Variants in FGF2 observed in about 807,000 individuals in gnomAD.
The protein encoded by FGF2 is basic fibroblast growth factor bFGF.
A neutral mutation model predicts 15.9 loss-of-function variants in FGF2; 13 were observed. That is an observed-to-expected ratio of 0.82 (90% CI 0.53 to 1.30). FGF2 has a LOEUF of 1.30. Among genes scored for constraint, FGF2 ranks in the 50% most tolerant of loss-of-function variants. The pLI, the probability that FGF2 is intolerant of heterozygous loss-of-function variation, is 0.00. For synonymous variants in FGF2, 90 were observed against 78.4 expected (o/e 1.15, Z -0.78); for missense variants, 163 against 196.9 (o/e 0.83, Z 1.03).
chr4:122,891,360 G>A (rs1727183365), intron 2 of FGF2, among the ~76,000 whole-genome samples: 1 of 151,638 alleles, frequency 6.6e-6, no homozygotes, highest in Admixed American at 6.6e-5. Context: ...CTTAAATAAT[G>A]TGGTAGCTAT....
chr4:122,857,505 T>C (rs1472745241), intron 1 of FGF2, among the ~76,000 whole-genome samples: 3 of 152,228 alleles, frequency 2.0e-5, no homozygotes, highest in African/African-American at 7.2e-5. Context: ...ATGGTGTCAC[T>C]ATAGAAATAA....
chr4:122,867,417 T>C (rs1252154282), intron 1 of FGF2, among the ~76,000 whole-genome samples: 1 of 152,224 alleles, frequency 6.6e-6, no homozygotes, highest in Non-Finnish European at 1.5e-5. Context: ...ATTTCTCAGA[T>C]GGAGTTAATT....
intron 1 of FGF2, among the ~76,000 whole-genome samples, chr4:122,872,549 G>C (rs936257951): frequency 6.6e-6 from 1 of 151,900 alleles, no homozygotes; most frequent in Non-Finnish European, 1.5e-5. Flanking sequence ...TCCACAAGAA[G>C]ATCAACCCCA....
chr4:122,829,048 C>CTT (rs34959980), intron 1 of FGF2, among the ~76,000 whole-genome samples: 1 of 151,386 alleles, frequency 6.6e-6, no homozygotes, highest in Admixed American at 6.6e-5. Flanking sequence ...CCCTAATACT[C>CTT]TTTTTTTTTC....
chr4:122,895,723 CA>C lies in FGF2; in HGVS notation c.*3328del, dbSNP rs1444355197. On this transcript the variant is annotated 3_prime_UTR_variant, in exon 3 of 3. Coordinates refer to ENST00000644866, the MANE Select transcript of FGF2 (RefSeq NM_001361665.2). The stretch of plus-strand genomic sequence containing the variant: ...TATGACCCTCTTGATATTTAAAAAA[CA>C]CTATGGATAACAATTCTTCATTTAC... The C allele has an allele frequency of 6.6e-6, 1 of 152,034 alleles. No individual in the cohort carries two copies. Among genetic ancestry groups the C allele is most frequent in the Non-Finnish European group, 1.5e-5 (1 of 68,006 alleles). 9.4% of individuals were successfully genotyped at this position (152,034 alleles called of 1,614,324 possible).
intron 1 of FGF2, among the ~76,000 whole-genome samples, chr4:122,857,754 A>T (rs1726370973): frequency 6.6e-6 from 1 of 152,254 alleles, no homozygotes; most frequent in Non-Finnish European, 1.5e-5. Flanking sequence ...AATCAGCTGT[A>T]CATCTTTAAA....
intron 1 of FGF2, among the ~76,000 whole-genome samples, chr4:122,829,231 T>C (rs1384567960): frequency 6.6e-6 from 1 of 152,216 alleles, no homozygotes; most frequent in Non-Finnish European, 1.5e-5. Flanking sequence ...AGTTGGGTTT[T>C]CATTTTTGTA....
chr4:122,828,714 A>T (rs1578445686), intron 1 of FGF2, among the ~76,000 whole-genome samples: 1 of 152,192 alleles, frequency 6.6e-6, no homozygotes, highest in South Asian at 2.1e-4. Context: ...CAAGTATTTA[A>T]TTTTTTTCAG....
chr4:122,839,102 A>G (rs965719358), intron 1 of FGF2, among the ~76,000 whole-genome samples: 4 of 152,184 alleles, frequency 2.6e-5, no homozygotes, highest in African/African-American at 9.7e-5. Context: ...ACACTCTATG[A>G]TGTTCACACA....
intron 1 of FGF2, among the ~76,000 whole-genome samples, chr4:122,850,741 G>A (rs375400014): frequency 2.0e-5 from 3 of 152,100 alleles, no homozygotes; most frequent in South Asian, 4.2e-4. Context: ...TTCAGAGAGC[G>A]GTTCCAAATC....
chr4:122,848,958 G>A (rs775930470), intron 1 of FGF2, among the ~76,000 whole-genome samples: 3 of 152,022 alleles, frequency 2.0e-5, no homozygotes, highest in Non-Finnish European at 2.9e-5. Flanking sequence ...TTAGGTGCTG[G>A]GCCAGGAGCA....
At chr4:122,854,161 C>T (rs1726290762) in intron 1 of FGF2, among the ~76,000 whole-genome samples, 1 of 152,090 alleles carries the variant, frequency 6.6e-6, no homozygotes, top group South Asian at 2.1e-4. Flanking sequence ...TTTAAAAGGA[C>T]ATTAAAAAAT....
intron 1 of FGF2, among the ~76,000 whole-genome samples, chr4:122,861,441 C>T (rs1182300430): frequency 6.6e-6 from 1 of 152,164 alleles, no homozygotes; most frequent in Non-Finnish European, 1.5e-5. Context: ...GACAGAAAAA[C>T]CTGGGACCTA....
At chr4:122,833,681 A>G (rs1415754739) in intron 1 of FGF2, among the ~76,000 whole-genome samples, 1 of 152,112 alleles carries the variant, frequency 6.6e-6, no homozygotes, top group Non-Finnish European at 1.5e-5. Flanking sequence ...TGATGAGGAA[A>G]ACATTCTCTG....
At chr4:122,838,535 ACT>A (rs1227033422) in intron 1 of FGF2, among the ~76,000 whole-genome samples, 1 of 152,230 alleles carries the variant, frequency 6.6e-6, no homozygotes, top group Admixed American at 6.5e-5. Context: ...GTCCATAACA[ACT>A]GGTGATTGTG....
chr4:122,869,713 T>C (rs771602935), intron 1 of FGF2, among the ~76,000 whole-genome samples: 2 of 152,254 alleles, frequency 1.3e-5, no homozygotes, highest in Non-Finnish European at 2.9e-5. Context: ...CTGAAGTTGC[T>C]TGTCAGTTTA....
chr4:122,828,542 C>G (rs999046146), intron 1 of FGF2, among the ~76,000 whole-genome samples: 6 of 152,178 alleles, frequency 3.9e-5, no homozygotes, highest in African/African-American at 1.4e-4. Flanking sequence ...TGTAGTTCTG[C>G]CTTTGTCTTG....
At chr4:122,874,499 T>C (rs1365957442) in intron 1 of FGF2, among the ~76,000 whole-genome samples, 1 of 152,162 alleles carries the variant, frequency 6.6e-6, no homozygotes, top group Non-Finnish European at 1.5e-5. Context: ...AATTCTAAGA[T>C]TGTCTTTTTT....
rs1727401548 is a variant in FGF2 at position 122,897,587 on chromosome 4, C to T, written c.*5191C>T. 7.1e-7 allele frequency: 1 copy of T among 1,414,554 alleles called. No homozygotes were observed. Among genetic ancestry groups the T allele is most frequent in the South Asian group, 1.2e-5 (1 of 86,366 alleles). The allele number at this position is 1,414,554 out of a possible 1,614,324, so 87.6% of individuals were successfully genotyped here. On this transcript the variant is annotated 3_prime_UTR_variant, in exon 3 of 3. Transcript: ENST00000644866. ...AAAGTAAACACATTAATTTCCTCAA[C>T]ATTTTTAAGCCAATTAAAAATATAA...
Sources: allele counts gnomAD v4.1 joint callset (sites outside exome capture counted in the v4.1 genomes callset), GRCh38; gene constraint gnomAD v4.1.1; transcripts MANE v1.5; gene names NCBI Gene and HGNC (gene_info 2026-07-23, HGNC 2026-07-21).